MDGA2: variants seen among roughly 807,000 people sequenced by gnomAD.
The protein encoded by MDGA2 is MAM domain-containing glycosylphosphatidylinositol anchor protein 2.
In MDGA2, 40 loss-of-function variants were observed where a neutral mutation model predicts 117.8. The ratio of observed to expected loss-of-function variants is 0.34; its 90% CI spans 0.26 to 0.44. The LOEUF (loss-of-function observed/expected upper bound fraction) is 0.44, where lower values mean the gene tolerates loss of function less well. MDGA2 is among the 20% of genes least tolerant of loss of function. MDGA2 has a pLI of 1.00. For missense variants in MDGA2, 1,123 were observed against 1,250.6 expected, an observed-to-expected ratio of 0.90 and a Z score of 1.54; for synonymous variants, 452 against 439.0, an observed-to-expected ratio of 1.03 and a Z score of -0.37.
rs75610370 is a variant in MDGA2, at chr14:47,602,276, C to T, written c.280+72241G>A. Among the ~76,000 whole-genome samples the T allele has an allele frequency of 3.3e-4, 50 of 152,194 alleles. No homozygotes were observed. The East Asian group carries it at 9.7e-3, about 29-fold the overall frequency. On this transcript the variant is annotated intron_variant, in intron 1 of 16. Transcript: ENST00000399232. ...TGCCAGTCATTCTAAAATCCAAAAACACGGGTAAGACCTAGAGTCCCAGCA... is the reference window on the plus strand; with the variant it reads ...TGCCAGTCATTCTAAAATCCAAAAATACGGGTAAGACCTAGAGTCCCAGCA...
intron 1 of MDGA2, among the ~76,000 whole-genome samples, chr14:47,511,004 T>G (rs1337010027): frequency 2.6e-5 from 4 of 152,236 alleles, no homozygotes; most frequent in African/African-American, 9.6e-5. Flanking sequence ...TTGCCCTGTC[T>G]CAACTTTATT....
intron 1 of MDGA2, among the ~76,000 whole-genome samples, chr14:47,377,325 A>G (rs1408601455): frequency 1.3e-5 from 2 of 152,154 alleles, no homozygotes; most frequent in African/African-American, 4.8e-5. Context: ...TGATTTCTGC[A>G]TTGCTAACTG....
At chr14:47,059,495 G>A (rs1594577367) in intron 7 of MDGA2, 2 of 372,578 alleles carry the variant, frequency 5.4e-6, no homozygotes, top group East Asian at 1.5e-4. Flanking sequence ...ACAAATCAAT[G>A]TTGGTCATCT....
In MDGA2 at chr14:47,501,041, AC is replaced by A. The variant is rs1303825224; in HGVS notation, c.280+173475del. On this transcript the variant is annotated intron_variant, in intron 1 of 16. Transcript: ENST00000399232. ...AATAAGGGTAACCATCCCTGAAACC[AC>A]CGATGAATTTTATCCTCACTGAAAG... Among the ~76,000 whole-genome samples the A allele has an allele frequency of 4.6e-5, 7 of 152,248 alleles. 1 individual carries two copies. The East Asian group carries it at 1.4e-3, about 29-fold the overall frequency.
chr14:47,406,161 C>A (rs2416065), intron 1 of MDGA2, among the ~76,000 whole-genome samples: 108,831 of 151,944 alleles, frequency 0.72, 39,546 homozygotes, highest in East Asian at 1. Flanking sequence ...TGCTGGTAGA[C>A]GTGCAAATTA....
chr14:47,175,061 A>C (rs889560532), intron 3 of MDGA2, among the ~76,000 whole-genome samples: 12 of 151,980 alleles, frequency 7.9e-5, no homozygotes, highest in East Asian at 5.8e-4. Flanking sequence ...GAAATGGATA[A>C]ATTCCTCGAC....
intron 3 of MDGA2, among the ~76,000 whole-genome samples, chr14:47,203,705 T>C (rs964975255): frequency 6.6e-6 from 1 of 151,980 alleles, no homozygotes; most frequent in African/African-American, 2.4e-5. Flanking sequence ...TCAGAAACCC[T>C]AGGGGAAGAC....
intron 1 of MDGA2, among the ~76,000 whole-genome samples, chr14:47,483,616 A>G (rs942997061): frequency 6.6e-6 from 1 of 152,208 alleles, no homozygotes; most frequent in Non-Finnish European, 1.5e-5. Flanking sequence ...AGAGAAGTAC[A>G]GATGGTGACA....
intron 9 of MDGA2, among the ~76,000 whole-genome samples, chr14:46,940,520 C>A (rs1266555959): frequency 6.6e-6 from 1 of 150,988 alleles, no homozygotes; most frequent in African/African-American, 2.4e-5. Flanking sequence ...CCCAGCTACT[C>A]AGGAGGTTGA....
intron 1 of MDGA2, among the ~76,000 whole-genome samples, chr14:47,561,785 G>A (rs1034819472): frequency 2.0e-5 from 3 of 152,168 alleles, no homozygotes; most frequent in Non-Finnish European, 4.4e-5. Context: ...TGGTGAGGGA[G>A]GACATCCTTG....
At chr14:46,862,296 A>G (rs1566495874) in intron 14 of MDGA2, among the ~76,000 whole-genome samples, 1 of 151,712 alleles carries the variant, frequency 6.6e-6, no homozygotes, top group Admixed American at 6.6e-5. Flanking sequence ...TTTAAAGACT[A>G]CAGGCAAAAA....
intron 1 of MDGA2, among the ~76,000 whole-genome samples, chr14:47,347,898 A>G (rs1386904399): frequency 6.6e-6 from 1 of 152,174 alleles, no homozygotes; most frequent in Non-Finnish European, 1.5e-5. Flanking sequence ...GCCAAAATAT[A>G]AGGAAATGTT....
At chr14:47,446,864 T>C (rs1348330374) in intron 1 of MDGA2, among the ~76,000 whole-genome samples, 1 of 152,158 alleles carries the variant, frequency 6.6e-6, no homozygotes, top group Non-Finnish European at 1.5e-5. Context: ...TTAATATCCA[T>C]GATATTTATT....
At chr14:47,458,202 T>C (rs895980102) in intron 1 of MDGA2, among the ~76,000 whole-genome samples, 1 of 152,160 alleles carries the variant, frequency 6.6e-6, no homozygotes, top group Admixed American at 6.5e-5. Flanking sequence ...ATCAGACATA[T>C]GGTTTGTAAA....
At chr14:47,485,902 A>C (rs571396841) in intron 1 of MDGA2, among the ~76,000 whole-genome samples, 1 of 152,318 alleles carries the variant, frequency 6.6e-6, no homozygotes, top group African/African-American at 2.4e-5. Flanking sequence ...TCCAGGCAGA[A>C]GTTTGCTGCA....
intron 1 of MDGA2, among the ~76,000 whole-genome samples, chr14:47,579,004 C>G (rs528280659): frequency 6.6e-6 from 1 of 152,078 alleles, no homozygotes; most frequent in African/African-American, 2.4e-5. Context: ...ATAATCATCA[C>G]CATTTGCTAT....
At chr14:47,195,623 C>G (rs1215705276) in intron 3 of MDGA2, among the ~76,000 whole-genome samples, 1 of 152,008 alleles carries the variant, frequency 6.6e-6, no homozygotes, top group Non-Finnish European at 1.5e-5. Flanking sequence ...GAGATAAGTT[C>G]AAGCAGTTCA....
intron 1 of MDGA2, among the ~76,000 whole-genome samples, chr14:47,386,717 A>C (rs1891768337): frequency 6.6e-6 from 1 of 152,074 alleles, no homozygotes; most frequent in African/African-American, 2.4e-5. Context: ...AAGAAGAAGA[A>C]TCCACTTCCA....
chr14:47,614,203 C>T (rs889551987), intron 1 of MDGA2, among the ~76,000 whole-genome samples: 2 of 149,624 alleles, frequency 1.3e-5, no homozygotes, highest in African/African-American at 4.9e-5. Context: ...GGTTCTCTTG[C>T]CTCAGCCTCC....
Sources: gnomAD v4.1 joint callset for allele counts (sites outside exome capture counted in the v4.1 genomes callset) on GRCh38, gnomAD v4.1.1 for gene constraint, MANE v1.5 for transcripts, NCBI Gene and HGNC (gene_info 2026-07-23, HGNC 2026-07-21) for gene names.